The following KLC1 variants were observed in gnomAD, a reference collection of about 807,000 sequenced individuals.
KLC1 encodes the protein kinesin light chain 1, also known as kinesin 2 60/70kDa.
In KLC1, 30 loss-of-function variants were observed where a neutral mutation model predicts 84.2. The observed-to-expected ratio is 0.36, with a 90% confidence interval of 0.27 to 0.48. KLC1 has a LOEUF of 0.48. Ranked by LOEUF, KLC1 falls within the 20% of genes least tolerant of loss-of-function variation. The probability of loss-of-function intolerance (pLI) is 0.99; values close to 1 mark genes in which losing one functional copy is unlikely to be tolerated. For missense variants in KLC1, 499 were observed against 805.4 expected (o/e 0.62, Z 4.60); for synonymous variants, 289 against 293.3 (o/e 0.99, Z 0.15).
chr14:103,654,938 A>T, intron 2 of KLC1, 113 bp downstream of exon 2: 1 of 1,253,016 alleles, frequency 8.0e-7, no homozygotes, highest in Non-Finnish European at 1.1e-6. Flanking sequence ...AGAATAACAG[A>T]TCCAGGCCGA....
Position 103,695,415 on chromosome 14 carries a change from C to A in KLC1, c.1848+2990C>A, listed in dbSNP as rs539225841. On this transcript the variant is annotated intron_variant, in intron 15 of 16. Transcript: ENST00000334553. ...TGGGTTGTGAGAAGCCAACCCCCCC[C>A]AAAAAAAGGGGGGTGTAGAGCAGCT... The A allele has an allele frequency of 1.2e-4, 120 of 983,580 alleles. No homozygotes were observed. The East Asian group carries it at 2.3e-3, about 19-fold the overall frequency. The allele number at this position is 983,580 out of a possible 1,614,324, so 60.9% of individuals were successfully genotyped here. A position where few individuals can be genotyped will look rare whatever the true frequency, so the allele number is the denominator to read the frequency against.
chr14:103,648,073 C>G (rs2078095727), intron 1 of KLC1, among the ~76,000 whole-genome samples: 2 of 151,610 alleles, frequency 1.3e-5, no homozygotes, highest in Non-Finnish European at 2.9e-5. Context: ...GCCTCAAGCT[C>G]CCGAGTAGCT....
Position 103,679,389 on chromosome 14 carries a change from T to C in KLC1, c.1494T>C (p.Leu498=), listed in dbSNP as rs2081180421. 1 of 1,613,962 alleles carries C rather than the reference T, an allele frequency of 6.2e-7. No individual in the cohort carries two copies. Among genetic ancestry groups the C allele is most frequent in the South Asian group, 1.1e-5 (1 of 91,074 alleles). ...EAAMRSRKQG[L]DNVHKQRVAE... is the part of the protein sequence containing the mutation. The stretch of plus-strand genomic sequence containing the variant: ...TTCCCCTGCCTGGCTCACAGGGTCT[T>C]GACAATGTTCACAAACAGAGGGTGG... Residue 498 remains leucine, a synonymous_variant, in exon 13 of 17, where the codon CTT becomes CTC. Transcript: ENST00000334553.
rs2077533081 is a variant in KLC1, at chr14:103,642,051, C to T, written c.-1-12513C>T. Among the ~76,000 whole-genome samples, 4 of 152,278 alleles carry T rather than the reference C, an allele frequency of 2.6e-5. No homozygotes were observed. In the East Asian group the frequency reaches 5.8e-4, roughly 22 times the overall value. On this transcript the variant is annotated intron_variant, in intron 1 of 16. Coordinates refer to ENST00000334553, the MANE Select transcript of KLC1 (RefSeq NM_001394837.1). ...GTTCAAGCTATTCTCCTGCCTCAGC[C>T]TCCTGAGTAGCTGGGATTACAGGCA...
rs2083191352 is a variant in KLC1, at chr14:103,701,484, CGTT to C, written c.*288_*290del. On this transcript the variant is annotated 3_prime_UTR_variant, in exon 17 of 17. Transcript: ENST00000334553. The stretch of plus-strand genomic sequence containing the variant: ...TCCCTTCCCATGTGTAACTTCCTCA[CGTT>C]GTGTGCGATAACGTATTTTATTGTA... 2.4e-6 allele frequency: 1 copy of C among 421,864 alleles called. No individual in the cohort carries two copies. Among genetic ancestry groups the C allele is most frequent in the African/African-American group, 2.0e-5 (1 of 49,696 alleles). The allele number at this position is 421,864 out of a possible 1,614,324, so 26.1% of individuals were successfully genotyped here. A position where few individuals can be genotyped will look rare whatever the true frequency, so the allele number is the denominator to read the frequency against.
At chr14:103,699,497 G>C (rs759919423) in intron 15 of KLC1, 12 of 1,612,768 alleles carry the variant, frequency 7.4e-6, no homozygotes, top group Non-Finnish European at 8.5e-6. Flanking sequence ...GGCTGCCACC[G>C]AGTCGATGAC....
At chr14:103,648,443 C>T (rs975966458) in intron 1 of KLC1, among the ~76,000 whole-genome samples, 2 of 151,992 alleles carry the variant, frequency 1.3e-5, no homozygotes, top group East Asian at 1.9e-4. Flanking sequence ...AATTTATGTC[C>T]TCAGAATGTG....
At chr14:103,659,316 T>C (rs996197059) in intron 3 of KLC1, among the ~76,000 whole-genome samples, 1 of 152,244 alleles carries the variant, frequency 6.6e-6, no homozygotes, top group Non-Finnish European at 1.5e-5. Context: ...TTATTTTATT[T>C]TACTTATTTT....
At chr14:103,692,223 C>T in intron 14 of KLC1, 136 bp from the exon 15 acceptor site, 2 of 704,574 alleles carry the variant, frequency 2.8e-6, no homozygotes, top group Non-Finnish European at 4.8e-6. Flanking sequence ...CCCCGGTTAC[C>T]CAAGCAAGAT....
chr14:103,664,620 T>A (rs1198852472), intron 5 of KLC1, among the ~76,000 whole-genome samples: 1 of 151,912 alleles, frequency 6.6e-6, no homozygotes, highest in Non-Finnish European at 1.5e-5. Flanking sequence ...CCTCAAGCAA[T>A]CTTCCTGCCT....
intron 9 of KLC1, among the ~76,000 whole-genome samples, 171 bp from the exon 10 acceptor site, chr14:103,675,381 T>C (rs1485702804): frequency 2.0e-5 from 3 of 152,170 alleles, no homozygotes; most frequent in Admixed American, 1.3e-4. Context: ...GCAGGCTCTG[T>C]TATCCTTCAT....
chr14:103,648,542 G>A (rs533282759), intron 1 of KLC1, among the ~76,000 whole-genome samples: 32 of 152,216 alleles, frequency 2.1e-4, no homozygotes, highest in African/African-American at 6.5e-4. Context: ...CAGCACTTTC[G>A]GAGGGTGAAG....
intron 13 of KLC1, among the ~76,000 whole-genome samples, chr14:103,679,973 C>T (rs1227944008): frequency 6.6e-6 from 1 of 152,202 alleles, no homozygotes; most frequent in Non-Finnish European, 1.5e-5. Flanking sequence ...AAGGGAGATG[C>T]TGTTTAAGTG....
chr14:103,661,938 TC>T (rs2079329947), intron 3 of KLC1, among the ~76,000 whole-genome samples, 177 bp from the exon 4 acceptor site: 1 of 152,238 alleles, frequency 6.6e-6, no homozygotes, highest in African/African-American at 2.4e-5. Context: ...AAAAAGCTTT[TC>T]ATTACTCCTG....
chr14:103,658,519 C>T (rs1269168106), intron 3 of KLC1, among the ~76,000 whole-genome samples: 1 of 150,546 alleles, frequency 6.6e-6, no homozygotes, highest in East Asian at 1.9e-4. Context: ...AAGTGATCTG[C>T]CCACCTCAGC....
Position 103,687,274 on chromosome 14 carries a change from TAGCGC to T in KLC1, c.1781+67_1781+71del, listed in dbSNP as rs1414811954. The T allele has an allele frequency of 2.1e-6, 3 of 1,447,736 alleles. No homozygotes were observed. The Admixed American group carries it at 6.2e-5, about 30-fold the overall frequency. The allele number at this position is 1,447,736 out of a possible 1,614,324, so 89.7% of individuals were successfully genotyped here. On this transcript the variant is annotated intron_variant, in intron 14 of 16. Transcript: ENST00000334553. ...CCGGCTGCTGGGCCGCTTCTCTTCC[TAGCGC>T]AGCCTTCCTCACCCACAGACTTGAG...
Position 103,694,798 on chromosome 14 carries a change from C to T in KLC1, c.1848+2373C>T. 3 of 985,518 alleles carry T rather than the reference C, an allele frequency of 3.0e-6. No individual in the cohort carries two copies. Among genetic ancestry groups the T allele is most frequent in the South Asian group, 4.7e-5 (1 of 21,294 alleles). The allele number at this position is 985,518 out of a possible 1,614,324, so 61.0% of individuals were successfully genotyped here. On this transcript the variant is annotated intron_variant, in intron 15 of 16. Transcript: ENST00000334553. The surrounding 1 kb of genome is among the most constrained non-coding windows in gnomAD (Gnocchi z 4.5). ...CAGCCTCTAGAAGCTCCCCGTGGGG[C>T]ACGAAGGCTGGGGACAGAGTGTCCT...
At position 103,700,668 on chromosome 14, in the gene KLC1, G is replaced by C. The variant is rs531849628; in HGVS notation, c.1862G>C (p.Arg621Pro). 1 of 1,607,360 alleles carries C rather than the reference G, an allele frequency of 6.2e-7. No homozygotes were observed. The highest frequency in any genetic ancestry group is 2.3e-5 in the East Asian group (1 of 44,362). The stretch of plus-strand genomic sequence containing the variant: ...CTTCATCTCCAGGGCGTCTCTGGCC[G>C]AGCCTCTTTTTGTGGAAAACGACAG... ...AEDRFQGVSGRASFCGKRQQQ... is the reference protein window; with the variant it reads ...AEDRFQGVSGPASFCGKRQQQ... The change falls in exon 16 of 17, where the codon CGA becomes CCA. Residue 621 changes from arginine (R) to proline (P), a missense_variant. Around this residue, in one of 3 missense-constraint regions of KLC1, gnomAD observed 167 missense variants for 208.8 expected, o/e 0.80. Coordinates refer to ENST00000334553, the MANE Select transcript of KLC1 (RefSeq NM_001394837.1).
intron 7 of KLC1, among the ~76,000 whole-genome samples, chr14:103,672,798 A>T (rs1008904025): frequency 6.6e-6 from 1 of 152,250 alleles, no homozygotes; most frequent in African/African-American, 2.4e-5. Flanking sequence ...GCTAAAGAAG[A>T]TGAGCACAGT....
Sources: allele counts gnomAD v4.1 joint callset (sites outside exome capture counted in the v4.1 genomes callset), GRCh38; gene constraint gnomAD v4.1.1; regional missense constraint gnomAD v4.1.1; non-coding constraint Gnocchi (gnomAD v3.1); transcripts MANE v1.5; gene names NCBI Gene and HGNC (gene_info 2026-07-23, HGNC 2026-07-21).